The following FGF1 variants were observed in gnomAD, a reference collection of about 807,000 sequenced individuals.
FGF1 encodes the protein fibroblast growth factor 1.
A neutral mutation model predicts 13.4 loss-of-function variants in FGF1; 9 were observed. The observed-to-expected ratio is 0.67, with a 90% confidence interval of 0.40 to 1.17. The LOEUF is 1.17. FGF1 is among the 50% of genes most tolerant of loss of function. FGF1 has a pLI of 0.01. For missense variants in FGF1, 156 were observed against 192.7 expected, an observed-to-expected ratio of 0.81 and a Z score of 1.13; for synonymous variants, 93 against 79.0, an observed-to-expected ratio of 1.18 and a Z score of -0.94.
chr5:142,646,089 G>T (rs1453670226), intron 1 of FGF1, among the ~76,000 whole-genome samples: 42 of 150,744 alleles, frequency 2.8e-4, no homozygotes, highest in African/African-American at 9.8e-4. Flanking sequence ...TTTTGTATTT[G>T]TAGTAGAGAT....
chr5:142,618,382 T>G (rs934644315), intron 1 of FGF1, among the ~76,000 whole-genome samples: 3 of 152,144 alleles, frequency 2.0e-5, no homozygotes, highest in Non-Finnish European at 4.4e-5. Flanking sequence ...TCACTCCTTC[T>G]GAGATGTTTC....
At chr5:142,618,922 TTG>T (rs1561571296) in intron 1 of FGF1, among the ~76,000 whole-genome samples, 3 of 97,736 alleles carry the variant, frequency 3.1e-5, no homozygotes, top group African/African-American at 1.3e-4. Context: ...TATTTTTTAG[TTG>T]TTTTGTTTTT....
chr5:142,689,658 T>A (rs925892370), upstream of FGF1, among the ~76,000 whole-genome samples: 9 of 151,660 alleles, frequency 5.9e-5, no homozygotes, highest in South Asian at 4.2e-4. Context: ...ATATTGATTG[T>A]CTGTCGCCTA....
chr5:142,636,787 T>C (rs1315855057), intron 1 of FGF1, among the ~76,000 whole-genome samples: 3 of 151,736 alleles, frequency 2.0e-5, no homozygotes, highest in Non-Finnish European at 4.4e-5. Context: ...AAGAGCAAGT[T>C]TTACTTGGGG....
chr5:142,658,934 A>T (rs1597361043), intron 1 of FGF1, among the ~76,000 whole-genome samples: 1 of 152,120 alleles, frequency 6.6e-6, no homozygotes, highest in East Asian at 1.9e-4. Context: ...TAATTGTGAG[A>T]AGAAAACCTG....
At chr5:142,645,043 T>C (rs1323737239) in intron 1 of FGF1, among the ~76,000 whole-genome samples, 4 of 152,078 alleles carry the variant, frequency 2.6e-5, no homozygotes, top group Non-Finnish European at 5.9e-5. Context: ...GGGTGCATTG[T>C]GGGCAGCGTC....
chr5:142,639,516 A>G (rs1275277754), intron 1 of FGF1, among the ~76,000 whole-genome samples: 2 of 152,020 alleles, frequency 1.3e-5, no homozygotes, highest in Non-Finnish European at 2.9e-5. Context: ...AATCTAAAAA[A>G]AGTCAAACTC....
chr5:142,657,739 T>G (rs1768434922), intron 1 of FGF1, among the ~76,000 whole-genome samples: 1 of 152,224 alleles, frequency 6.6e-6, no homozygotes, highest in African/African-American at 2.4e-5. Flanking sequence ...CTCAGCCCAG[T>G]GGGCAGCGGA....
Position 142,595,417 on chromosome 5 carries a change from GAT to G in FGF1, c.339_340del (p.Ser114GlnfsTer41). On this transcript the variant is annotated frameshift_variant, in exon 4 of 4. Transcript: ENST00000337706. LOFTEE classifies it high-confidence loss of function. ...CCAATTCTTCTCTGCATGCTTCTTG[GAT>G]ATATAGGTGTTGTAATGGTTCTCCT... The G allele has an allele frequency of 6.2e-7, 1 of 1,613,980 alleles. No individual in the cohort carries two copies. The highest frequency in any genetic ancestry group is 8.5e-7 in the Non-Finnish European group (1 of 1,179,902).
Position 142,594,169 on chromosome 5 carries a change from T to A in FGF1, c.*1121A>T, listed in dbSNP as rs537570417. 6.6e-6 allele frequency: 1 copy of A among 152,224 alleles called. No homozygotes were observed. The highest frequency in any genetic ancestry group is 1.5e-5 in the Non-Finnish European group (1 of 68,030). The allele number at this position is 152,224 out of a possible 1,614,324, so 9.4% of individuals were successfully genotyped here. A position where few individuals can be genotyped will look rare whatever the true frequency, so the allele number is the denominator to read the frequency against. On this transcript the variant is annotated 3_prime_UTR_variant, in exon 4 of 4. Coordinates refer to ENST00000337706, the MANE Select transcript of FGF1 (RefSeq NM_000800.5). The stretch of plus-strand genomic sequence containing the variant: ...GTTCGGGGCGTCGAACCACCTTCAT[T>A]TGAATAACTCTTTAGGACCAGGACC...
chr5:142,693,441 G>C (rs370429021), intron 2 of FGF1, among the ~76,000 whole-genome samples: 425 of 152,036 alleles, frequency 2.8e-3, no homozygotes, highest in South Asian at 4.8e-3. Context: ...ACAGGCGTGC[G>C]CCACCACACC....
chr5:142,663,166 AAGTT>A (rs959970845), intron 1 of FGF1, among the ~76,000 whole-genome samples: 27 of 152,204 alleles, frequency 1.8e-4, no homozygotes, highest in African/African-American at 6.3e-4. Context: ...CTTTGAAAGA[AAGTT>A]AGGCTGAGTT....
chr5:142,627,446 G>A (rs1223342241), intron 1 of FGF1, among the ~76,000 whole-genome samples: 3 of 152,092 alleles, frequency 2.0e-5, no homozygotes, highest in Non-Finnish European at 4.4e-5. Flanking sequence ...AAATAAAAAG[G>A]ACAAAACTCA....
At chr5:142,661,156 C>T (rs1346495836) in intron 1 of FGF1, among the ~76,000 whole-genome samples, 2 of 152,212 alleles carry the variant, frequency 1.3e-5, no homozygotes, top group African/African-American at 2.4e-5. Flanking sequence ...TATTATTGAG[C>T]ACCTGTGACA....
At chr5:142,643,965 C>G (rs1197810609) in intron 1 of FGF1, 1 of 152,334 alleles carries the variant, frequency 6.6e-6, no homozygotes, top group East Asian at 1.9e-4. Context: ...TTGGCTTCCC[C>G]CAAACATCTT....
At chr5:142,608,539 C>CATCTAT (rs1250819524) in intron 2 of FGF1, among the ~76,000 whole-genome samples, 6 of 72,066 alleles carry the variant, frequency 8.3e-5, no homozygotes, top group South Asian at 5.3e-4. Context: ...TATATATACA[C>CATCTAT]ATCTATATAT....
intron 2 of FGF1, among the ~76,000 whole-genome samples, chr5:142,608,708 C>CATATATATATAT (rs149917804): frequency 0.047 from 6,728 of 144,230 alleles, 257 homozygotes; most frequent in African/African-American, 0.091. Flanking sequence ...GACTGAATGA[C>CATATATATATAT]ATATATATAT....
upstream of FGF1, among the ~76,000 whole-genome samples, chr5:142,691,031 C>T (rs1041142178): frequency 2.6e-5 from 4 of 152,198 alleles, no homozygotes; most frequent in Middle Eastern, 3.2e-3. Context: ...CCTGACCACC[C>T]GTTCTAAATC....
chr5:142,618,768 G>A (rs930786055), intron 1 of FGF1, among the ~76,000 whole-genome samples: 1 of 151,956 alleles, frequency 6.6e-6, no homozygotes, highest in Non-Finnish European at 1.5e-5. Context: ...AGTTAATATA[G>A]TGACAGTTAC....
Sources: allele counts gnomAD v4.1 joint callset (sites outside exome capture counted in the v4.1 genomes callset), GRCh38; gene constraint gnomAD v4.1.1; transcripts MANE v1.5; gene names NCBI Gene and HGNC (gene_info 2026-07-23, HGNC 2026-07-21).